The following SCD5 variants were observed in gnomAD, a reference collection of about 807,000 sequenced individuals.
SCD5 encodes stearoyl-CoA desaturase 5.
A neutral mutation model predicts 30.4 loss-of-function variants in SCD5; 20 were observed. The observed-to-expected ratio is 0.66, with a 90% confidence interval of 0.46 to 0.96. The LOEUF is 0.96. SCD5 is among the 40% of genes least tolerant of loss of function. The probability of loss-of-function intolerance (pLI) is 0.00; values close to 1 mark genes in which losing one functional copy is unlikely to be tolerated. For synonymous variants in SCD5, 173 were observed against 176.4 expected, an observed-to-expected ratio of 0.98 and a Z score of 0.16; for missense variants, 381 against 443.3, an observed-to-expected ratio of 0.86 and a Z score of 1.26.
chr4:82,790,908 T>G (rs897527953), intron 1 of SCD5, among the ~76,000 whole-genome samples: 1 of 152,210 alleles, frequency 6.6e-6, no homozygotes, highest in Non-Finnish European at 1.5e-5. Context: ...CAAGTGATTC[T>G]GATGTGCCAC....
chr4:82,662,511 G>A (rs538557829), intron 3 of SCD5, among the ~76,000 whole-genome samples: 1 of 151,972 alleles, frequency 6.6e-6, no homozygotes, highest in Admixed American at 6.6e-5. Flanking sequence ...CATAGCTGTG[G>A]TCAAAGATTT....
chr4:82,688,946 T>C (rs1446416862), intron 2 of SCD5, among the ~76,000 whole-genome samples: 1 of 152,250 alleles, frequency 6.6e-6, no homozygotes, highest in Admixed American at 6.5e-5. Flanking sequence ...GTTGGTCTTC[T>C]GGAAATCTTT....
chr4:82,666,008 T>C (rs1479798636), intron 3 of SCD5, among the ~76,000 whole-genome samples: 5 of 152,192 alleles, frequency 3.3e-5, no homozygotes, highest in African/African-American at 4.8e-5. Flanking sequence ...TTACATTTTA[T>C]GCTAAAAAGT....
In SCD5 at chr4:82,664,999, C is replaced by CTCTA. The variant is rs1219554314; in HGVS notation, c.569+15707_569+15708insTAGA. Among the ~76,000 whole-genome samples the CTCTA allele has an allele frequency of 3.9e-3, 275 of 70,484 alleles. 2 individuals carry two copies. The highest frequency in any genetic ancestry group is 7.3e-3 in the African/African-American group (97 of 13,370). 46.2% of individuals were successfully genotyped at this position (70,484 alleles called of 152,430 possible). A position where few individuals can be genotyped will look rare whatever the true frequency, so the allele number is the denominator to read the frequency against. On this transcript the variant is annotated intron_variant, in intron 3 of 4. Transcript: ENST00000319540. ...TCTCTCTCTCTCTCTCTCTCTCTCT[C>CTCTA]TATATATATATATATATATATGTAT...
chr4:82,699,294 G>A (rs531507210), intron 2 of SCD5, among the ~76,000 whole-genome samples: 6 of 152,218 alleles, frequency 3.9e-5, no homozygotes, highest in East Asian at 1.9e-4. Flanking sequence ...ACATAAATCC[G>A]AATGTCCTTG....
intron 2 of SCD5, among the ~76,000 whole-genome samples, chr4:82,688,282 GCATGTA>G (rs1359171572): frequency 2.6e-5 from 4 of 152,154 alleles, no homozygotes; most frequent in African/African-American, 7.2e-5. Flanking sequence ...GTGCATGCAT[GCATGTA>G]CATGTGCATG....
intron 1 of SCD5, among the ~76,000 whole-genome samples, chr4:82,706,758 C>A (rs1338717586): frequency 2.6e-5 from 4 of 152,256 alleles, no homozygotes; most frequent in Non-Finnish European, 4.4e-5. Context: ...AAGAGCTAAA[C>A]CTGCCTTGAG....
intron 1 of SCD5, among the ~76,000 whole-genome samples, chr4:82,720,863 C>G (rs2148832215): frequency 6.6e-6 from 1 of 152,260 alleles, no homozygotes; most frequent in Middle Eastern, 3.4e-3. Context: ...CTCCAAAGGG[C>G]TGTCCGGGCC....
chr4:82,689,230 G>A (rs530633683), intron 2 of SCD5, among the ~76,000 whole-genome samples: 8 of 152,242 alleles, frequency 5.3e-5, no homozygotes, highest in South Asian at 2.1e-4. Context: ...TTGTTGTGCC[G>A]GAAAGGAAGT....
intron 2 of SCD5, among the ~76,000 whole-genome samples, chr4:82,703,754 A>G (rs1370686732): frequency 1.3e-5 from 2 of 152,214 alleles, no homozygotes; most frequent in African/African-American, 2.4e-5. Context: ...CCAATAATAG[A>G]AATGTTTTAT....
At chr4:82,673,807 A>C (rs1314083790) in intron 3 of SCD5, among the ~76,000 whole-genome samples, 1 of 152,200 alleles carries the variant, frequency 6.6e-6, no homozygotes. Context: ...AGAACAGACT[A>C]ATTGATCAAT....
chr4:82,776,693 C>G (rs747935442), intron 1 of SCD5, among the ~76,000 whole-genome samples: 4 of 152,166 alleles, frequency 2.6e-5, no homozygotes, highest in Non-Finnish European at 4.4e-5. Flanking sequence ...AGAGGCATTT[C>G]TAGAAACCTG....
chr4:82,678,543 T>C (rs1156802360), intron 3 of SCD5, among the ~76,000 whole-genome samples: 2 of 152,230 alleles, frequency 1.3e-5, no homozygotes, highest in Non-Finnish European at 2.9e-5. Flanking sequence ...ATTAATTATA[T>C]AGCAACATCA....
intron 1 of SCD5, among the ~76,000 whole-genome samples, chr4:82,761,193 C>A (rs185576106): frequency 6.6e-6 from 1 of 152,316 alleles, no homozygotes; most frequent in East Asian, 1.9e-4. Context: ...CCAAAGCCTT[C>A]CAACTTCAGG....
chr4:82,678,099 T>C (rs1728474940), intron 3 of SCD5, among the ~76,000 whole-genome samples: 1 of 152,014 alleles, frequency 6.6e-6, no homozygotes, highest in Admixed American at 6.6e-5. Context: ...TTAGAACGTG[T>C]TCTAAACTAT....
At chr4:82,746,898 A>G (rs13142711) in intron 1 of SCD5, among the ~76,000 whole-genome samples, 94,600 of 151,640 alleles carry the variant, frequency 0.62, 31,733 homozygotes, top group Non-Finnish European at 0.75. Context: ...GGCCTACCAC[A>G]CCCCCAATCC....
intron 1 of SCD5, among the ~76,000 whole-genome samples, chr4:82,783,803 C>CAA (rs531792678): frequency 1.1e-5 from 1 of 88,540 alleles, no homozygotes; most frequent in Non-Finnish European, 2.3e-5. Context: ...AACTCTGTCT[C>CAA]AAAAAAAAAA....
At chr4:82,730,328 C>T (rs1308950257) in intron 1 of SCD5, among the ~76,000 whole-genome samples, 1 of 149,114 alleles carries the variant, frequency 6.7e-6, no homozygotes, top group Admixed American at 6.7e-5. Flanking sequence ...GGCAGAGTCT[C>T]GCTCTGTCAC....
chr4:82,726,417 CAAAAAAAA>C (rs398051208), intron 1 of SCD5, among the ~76,000 whole-genome samples: 1 of 108,826 alleles, frequency 9.2e-6, no homozygotes, highest in East Asian at 2.7e-4. Context: ...AACTCTGTCT[CAAAAAAAA>C]AAAAAAAAAA....
Sources: gnomAD v4.1 joint callset for allele counts (sites outside exome capture counted in the v4.1 genomes callset) on GRCh38, gnomAD v4.1.1 for gene constraint, MANE v1.5 for transcripts, NCBI Gene and HGNC (gene_info 2026-07-23, HGNC 2026-07-21) for gene names.